MADD: variants seen among roughly 807,000 people sequenced by gnomAD.
The protein encoded by MADD is MAP kinase activating death domain.
Under a neutral mutation model 176.7 loss-of-function variants are expected in MADD, and 109 were observed. That is an observed-to-expected ratio of 0.62 (90% confidence interval 0.53 to 0.72). The LOEUF is 0.72. MADD is among the 30% of genes least tolerant of loss of function. The pLI, the probability that MADD is intolerant of heterozygous loss-of-function variation, is 0.00. For synonymous variants in MADD, 771 were observed against 771.3 expected, an observed-to-expected ratio of 1.00 and a Z score of 0.01; for missense variants, 1,914 against 2,045.5, an observed-to-expected ratio of 0.94 and a Z score of 1.24.
exon 26 of MADD, chr11:47,311,783 C>T: frequency 6.2e-7 from 1 of 1,614,046 alleles, no homozygotes; most frequent in Non-Finnish European, 8.5e-7. Context: ...GGGAAAGTCG[C>T]ACATTGGGCT....
At chr11:47,278,904 A>C in intron 6 of MADD, 95 bp from the exon 7 acceptor site, 1 of 943,088 alleles carries the variant, frequency 1.1e-6, no homozygotes. Context: ...TTATATAATA[A>C]TAATGTATAT....
At chr11:47,307,156 C>T (rs2083466967) in intron 22 of MADD, among the ~76,000 whole-genome samples, 1 of 151,694 alleles carries the variant, frequency 6.6e-6, no homozygotes, top group South Asian at 2.1e-4. Flanking sequence ...TTAAGTGATC[C>T]TCCTGTTTCA....
chr11:47,294,272 C>T (rs141000733), intron 20 of MADD, among the ~76,000 whole-genome samples: 5 of 151,600 alleles, frequency 3.3e-5, no homozygotes, highest in Admixed American at 6.6e-5. Flanking sequence ...ATGCTTTAAC[C>T]GGTGGGCGGA....
chr11:47,295,369 G>T, intron 20 of MADD, 127 bp from the exon 23 acceptor site: 1 of 689,308 alleles, frequency 1.5e-6, no homozygotes, highest in Non-Finnish European at 2.5e-6. Flanking sequence ...AACAAAAGTT[G>T]CTCGTGACTT....
intron 22 of MADD, among the ~76,000 whole-genome samples, chr11:47,298,633 G>A (rs1380708969): frequency 6.6e-6 from 1 of 152,160 alleles, no homozygotes; most frequent in Non-Finnish European, 1.5e-5. Flanking sequence ...TCTGCAGACT[G>A]TCTCTTCACT....
intron 28 of MADD, 36 bp from the exon 32 acceptor site, chr11:47,324,229 C>T (rs945270351): frequency 1.3e-6 from 2 of 1,595,868 alleles, no homozygotes; most frequent in African/African-American, 2.7e-5. Context: ...CCCTGGACAG[C>T]CCTCATGATG....
chr11:47,285,080 G>A (rs776882590), exon 13 of MADD: 10 of 1,613,976 alleles, frequency 6.2e-6, no homozygotes, highest in South Asian at 1.1e-5. Context: ...GTGCGCCGGC[G>A]AATCTATGAC....
At chr11:47,324,789 G>A (rs1454069976) in intron 30 of MADD, 11 of 690,838 alleles carry the variant, frequency 1.6e-5, no homozygotes, top group African/African-American at 5.3e-5. Context: ...CAGGGAGCCC[G>A]TGGGGGAGGC....
At chr11:47,278,879 A>G in intron 6 of MADD, 120 bp from the exon 7 acceptor site, 1 of 727,292 alleles carries the variant, frequency 1.4e-6, no homozygotes, top group Non-Finnish European at 2.4e-6. Context: ...GTGCAGTTAT[A>G]TAATGTATAT....
chr11:47,297,522 C>G (rs573624386), intron 22 of MADD, among the ~76,000 whole-genome samples: 1 of 151,134 alleles, frequency 6.6e-6, no homozygotes, highest in Admixed American at 6.6e-5. Flanking sequence ...TCTCGGCTCA[C>G]GGCAAGCTCC....
exon 21 of MADD, chr11:47,295,521 G>A: frequency 6.2e-7 from 1 of 1,614,066 alleles, no homozygotes. Context: ...TCTGTCATCG[G>A]CGTGAGTCCA....
chr11:47,290,716 A>G (rs1374025010), exon 19 of MADD: 1 of 1,614,156 alleles, frequency 6.2e-7, no homozygotes, highest in Non-Finnish European at 8.5e-7. Context: ...CACAACTGAG[A>G]GTTCCACAAC....
In MADD at chr11:47,282,918, C is replaced by G. The variant is rs989772549; in HGVS notation, c.1811C>G (p.Ala604Gly). Reference sequence around the variant, plus strand: ...GACAGCAATTCCCAGCTGGCTGAGGCCCTGAGTGTACCACCAGAGCGGGAC... The same window carrying G: ...GACAGCAATTCCCAGCTGGCTGAGGGCCTGAGTGTACCACCAGAGCGGGAC... Residue 604 changes from alanine to glycine, a missense_variant, in exon 10 of 33, where the codon GCC (alanine) becomes GGC (glycine). Ala to Gly is a moderately conservative substitution (Grantham distance 60, BLOSUM62 0). This residue lies in a region of MADD where 1,767 missense variants were observed against 1,836.0 expected (regional missense o/e 0.96). Coordinates refer to ENST00000402192, the Ensembl canonical transcript of MADD. 8 of 1,613,862 alleles carry G rather than the reference C, an allele frequency of 5.0e-6. No individual in the cohort carries two copies. Among genetic ancestry groups the G allele is most frequent in the Middle Eastern group, 1.7e-4 (1 of 5,948 alleles).
chr11:47,316,178 CACATAT>C (rs1469713831), intron 27 of MADD, among the ~76,000 whole-genome samples: 1 of 152,020 alleles, frequency 6.6e-6, no homozygotes, highest in African/African-American at 2.4e-5. Flanking sequence ...CACGCGCACA[CACATAT>C]ACATAAAGAT....
At chr11:47,324,327 C>T in exon 29 of MADD, 1 of 1,614,220 alleles carries the variant, frequency 6.2e-7, no homozygotes. Context: ...GACAGCAAAG[C>T]ATCAAACCCG....
intron 19 of MADD, 43 bp from the exon 22 acceptor site, chr11:47,293,840 C>G (rs779406328): frequency 3.8e-6 from 5 of 1,332,942 alleles, no homozygotes; most frequent in Non-Finnish European, 4.3e-6. Flanking sequence ...CAGCCTGCCC[C>G]TAGCCTTTGT....
At position 47,308,423 on chromosome 11, in the gene MADD, A is replaced by G. The variant is rs1565486579; in HGVS notation, c.3643-168A>G. ...TGAAAACTTTATTGTATAGTTTAGG[A>G]GGCAGTAACAGAAAGCAGCGTAAGT... On this transcript the variant is annotated intron_variant, in intron 22 of 32. Coordinates refer to ENST00000402192, the Ensembl canonical transcript of MADD. Among the ~76,000 whole-genome samples the G allele has an allele frequency of 2.0e-5, 3 of 152,376 alleles. No individual in the cohort carries two copies. In the East Asian group the frequency reaches 5.8e-4, roughly 29 times the overall value.
chr11:47,326,432 C>A, intron 30 of MADD, 112 bp from the exon 34 acceptor site: 1 of 804,356 alleles, frequency 1.2e-6, no homozygotes, highest in Non-Finnish European at 1.6e-6. Context: ...AAGCACTGCC[C>A]TGGGCAGAGG....
In MADD at chr11:47,282,807, G is replaced by A; in HGVS notation, c.1706-6G>A. 1 of 1,612,986 alleles carries A rather than the reference G, an allele frequency of 6.2e-7. No homozygotes were observed. On this transcript the variant is annotated splice_region_variant and splice_polypyrimidine_tract_variant and intron_variant, in intron 9 of 32. Coordinates refer to ENST00000402192, the Ensembl canonical transcript of MADD. The stretch of plus-strand genomic sequence containing the variant: ...TGACTTTCTGTTCTTTTCCCTCATG[G>A]GGTAGATATGTTTGATCCAGCCCTG...
Sources: allele counts gnomAD v4.1 joint callset (sites outside exome capture counted in the v4.1 genomes callset), GRCh38; gene constraint gnomAD v4.1.1; regional missense constraint gnomAD v4.1.1; transcripts MANE v1.5; gene names NCBI Gene and HGNC (gene_info 2026-07-23, HGNC 2026-07-21).